The following GBF1 variants were observed in gnomAD, a reference collection of about 807,000 sequenced individuals.
GBF1 encodes Golgi-specific brefeldin A-resistance guanine nucleotide exchange factor 1.
A neutral mutation model predicts 210.5 loss-of-function variants in GBF1; 114 were observed. That is an observed-to-expected ratio of 0.54 (90% CI 0.47 to 0.63). The LOEUF (loss-of-function observed/expected upper bound fraction) is 0.63. GBF1 is among the 30% of genes least tolerant of loss of function. The pLI is 0.00. For synonymous variants in GBF1, 850 were observed against 889.2 expected, an observed-to-expected ratio of 0.96 and a Z score of 0.78; for missense variants, 1,851 against 2,357.7, an observed-to-expected ratio of 0.79 and a Z score of 4.45.
rs760529017 is a variant in GBF1 at position 102,369,787 on chromosome 10, C to A, written c.3215+12C>A. On this transcript the variant is annotated intron_variant, in intron 25 of 39. Coordinates refer to ENST00000369983, the MANE Select transcript of GBF1 (RefSeq NM_001377137.1). ...ACACCATCAAACCGGTAAGAGCAGA[C>A]CAGAGGCTCAGGGGCTTGGGGAGGG... 7 of 1,614,112 alleles carry A rather than the reference C, an allele frequency of 4.3e-6. No homozygotes were observed. The highest frequency in any genetic ancestry group is 5.9e-6 in the Non-Finnish European group (7 of 1,179,960).
At chr10:102,277,060 T>C (rs2075052509) in intron 3 of GBF1, among the ~76,000 whole-genome samples, 1 of 152,190 alleles carries the variant, frequency 6.6e-6, no homozygotes, top group South Asian at 2.1e-4. Flanking sequence ...GGCACAGTGG[T>C]TCACATATAT....
At chr10:102,296,914 G>A (rs1482686609) in intron 3 of GBF1, among the ~76,000 whole-genome samples, 3 of 151,292 alleles carry the variant, frequency 2.0e-5, no homozygotes, top group African/African-American at 4.9e-5. Context: ...ACCTGGTGGC[G>A]CGTGCCTATA....
intron 3 of GBF1, among the ~76,000 whole-genome samples, chr10:102,328,403 G>C (rs1017059650): frequency 2.6e-5 from 4 of 152,146 alleles, no homozygotes; most frequent in Non-Finnish European, 5.9e-5. Context: ...GGAGGCTGAG[G>C]TGGAAGGATT....
chr10:102,382,434 C>T lies in GBF1; in HGVS notation c.*98C>T, dbSNP rs2060913730. The T allele has an allele frequency of 1.8e-6, 2 of 1,084,542 alleles. No individual in the cohort carries two copies. The highest frequency in any genetic ancestry group is 3.2e-5 in the African/African-American group (2 of 63,272). 67.2% of individuals were successfully genotyped at this position (1,084,542 alleles called of 1,614,324 possible). On this transcript the variant is annotated 3_prime_UTR_variant, in exon 40 of 40. Coordinates refer to ENST00000369983, the MANE Select transcript of GBF1 (RefSeq NM_001377137.1). ...GGGCCACAAGCTCTTCAGGCCAAGT[C>T]AGAGCTGCTGTTGCTGCCACTTGGA... is the stretch of plus-strand genomic sequence containing the variant.
chr10:102,323,261 AG>A (rs1222983259), intron 3 of GBF1, among the ~76,000 whole-genome samples: 1 of 145,802 alleles, frequency 6.9e-6, no homozygotes, highest in East Asian at 2.0e-4. Context: ...AAAAAAAAAA[AG>A]AAGAAGAAGA....
chr10:102,259,040 T>TG lies in GBF1; in HGVS notation c.96+9dup. On this transcript the variant is annotated splice_region_variant and intron_variant, in intron 2 of 39. Coordinates refer to ENST00000369983, the MANE Select transcript of GBF1 (RefSeq NM_001377137.1). ...GGAGCACCCATACACCACTGGTAAG[T>TG]GGGAAATGGATAAATAGCCTGGTCA... is the stretch of plus-strand genomic sequence containing the variant. 1 of 1,455,996 alleles carries TG rather than the reference T, an allele frequency of 6.9e-7. No homozygotes were observed. The highest frequency in any genetic ancestry group is 9.7e-7 in the Non-Finnish European group (1 of 1,035,726). 90.2% of individuals were successfully genotyped at this position (1,455,996 alleles called of 1,614,324 possible).
intron 3 of GBF1, among the ~76,000 whole-genome samples, chr10:102,310,473 TCTA>T (rs2078310046): frequency 6.6e-6 from 1 of 152,176 alleles, no homozygotes; most frequent in Admixed American, 6.5e-5. Context: ...TTAGGTCATT[TCTA>T]CTGCTGGCAT....
At chr10:102,342,981 G>T (rs2058303802) in intron 3 of GBF1, among the ~76,000 whole-genome samples, 1 of 152,174 alleles carries the variant, frequency 6.6e-6, no homozygotes, top group African/African-American at 2.4e-5. Flanking sequence ...TCAAATCCCA[G>T]CTCTGCATAT....
intron 3 of GBF1, among the ~76,000 whole-genome samples, chr10:102,311,526 ATG>A (rs2133985121): frequency 6.6e-6 from 1 of 152,308 alleles, no homozygotes; most frequent in East Asian, 1.9e-4. Flanking sequence ...TATTGCTTCT[ATG>A]TGTTTGTCTT....
chr10:102,256,579 G>T lies in GBF1; in HGVS notation c.-10-2350G>T, dbSNP rs561846674. 1.7e-4 allele frequency among the ~76,000 whole-genome samples: 25 copies of T among 151,230 alleles called. No homozygotes were observed. In the South Asian group the frequency reaches 1.9e-3, roughly 11 times the overall value. On this transcript the variant is annotated intron_variant, in intron 1 of 39. Coordinates refer to ENST00000369983, the MANE Select transcript of GBF1 (RefSeq NM_001377137.1). ...TGCCCAGGCTGGATGGAGTACAGTG[G>T]CATGATCTCGGCTCACTTTAACCTC...
Position 102,375,336 on chromosome 10 carries a change from TCCCTGCC to T in GBF1, c.3661-21_3661-15del, listed in dbSNP as rs1565181374. 2 of 1,428,926 alleles carry T rather than the reference TCCCTGCC, an allele frequency of 1.4e-6. No individual in the cohort carries two copies. Among genetic ancestry groups the T allele is most frequent in the Non-Finnish European group, 2.0e-6 (2 of 1,011,394 alleles). The allele number at this position is 1,428,926 out of a possible 1,614,324, so 88.5% of individuals were successfully genotyped here. A position where few individuals can be genotyped will look rare whatever the true frequency, so the allele number is the denominator to read the frequency against. On this transcript the variant is annotated splice_polypyrimidine_tract_variant and intron_variant, in intron 29 of 39. Coordinates refer to ENST00000369983, the MANE Select transcript of GBF1 (RefSeq NM_001377137.1). ...CCCACACAGCTCCCCGCTTCCCCGCTCCCTGCCCTAACCCCACTCCAGGTGCTGCTCT... is the reference window on the plus strand; with the variant it reads ...CCCACACAGCTCCCCGCTTCCCCGCTCTAACCCCACTCCAGGTGCTGCTCT...
intron 3 of GBF1, among the ~76,000 whole-genome samples, chr10:102,310,865 G>A (rs2078356974): frequency 6.6e-6 from 1 of 152,220 alleles, no homozygotes; most frequent in African/African-American, 2.4e-5. Context: ...AACTTGAAAA[G>A]CCATTTTGGT....
chr10:102,314,371 T>C (rs1161145156), intron 3 of GBF1, among the ~76,000 whole-genome samples: 1 of 152,036 alleles, frequency 6.6e-6, no homozygotes, highest in African/African-American at 2.4e-5. Context: ...GGTCTTGAAC[T>C]CCTGGGCTCA....
intron 7 of GBF1, among the ~76,000 whole-genome samples, chr10:102,352,789 G>A (rs2059081665): frequency 6.6e-6 from 1 of 152,180 alleles, no homozygotes; most frequent in African/African-American, 2.4e-5. Context: ...TTCTGTGCAG[G>A]TAGCAGCTGG....
chr10:102,382,069 C>G lies in GBF1; in HGVS notation c.5316C>G (p.Pro1772=). ...CTTTCCCTACAGACTTTGAGAAGCC[C>G]GAGAGCCCCCGAGCCGCCAGCAGCA... is the stretch of plus-strand genomic sequence containing the variant. ...SELGACDFEK[P]ESPRAASSSS... is the part of the protein sequence containing the mutation. Residue 1772 remains proline, a synonymous_variant, in exon 40 of 40, where the codon CCC becomes CCG. Coordinates refer to ENST00000369983, the MANE Select transcript of GBF1 (RefSeq NM_001377137.1). 1 of 1,546,980 alleles carries G rather than the reference C, an allele frequency of 6.5e-7. No individual in the cohort carries two copies. The highest frequency in any genetic ancestry group is 1.2e-5 in the South Asian group (1 of 80,372).
chr10:102,240,964 G>T (rs1350082819), upstream of GBF1, among the ~76,000 whole-genome samples: 3 of 151,972 alleles, frequency 2.0e-5, no homozygotes, highest in Non-Finnish European at 4.4e-5. Context: ...CAGCTCCCCC[G>T]CTGGCCAGGG....
intron 1 of GBF1, among the ~76,000 whole-genome samples, chr10:102,250,402 C>T (rs1266531692): frequency 6.6e-6 from 1 of 152,086 alleles, no homozygotes; most frequent in Non-Finnish European, 1.5e-5. Context: ...TACTATGTTG[C>T]CCAGAGTCCA....
In GBF1 at chr10:102,372,789, AT is replaced by A. The variant is rs1372518255; in HGVS notation, c.3660+1932del. 2.0e-5 allele frequency among the ~76,000 whole-genome samples: 3 copies of A among 152,196 alleles called. No homozygotes were observed. The East Asian group carries it at 5.8e-4, about 29-fold the overall frequency. On this transcript the variant is annotated intron_variant, in intron 29 of 39. Coordinates refer to ENST00000369983, the MANE Select transcript of GBF1 (RefSeq NM_001377137.1). ...GAAAATTAACTCCAATGGATCATAG[AT>A]TTAAATGTAAAGCTATAAAAACTTT...
At chr10:102,231,175 G>T in the GBF1 span, 1 of 1,386,766 alleles carries the variant, frequency 7.2e-7, no homozygotes, top group Non-Finnish European at 9.5e-7. Flanking sequence ...CACCCCGACG[G>T]GGCTTCCAGC....
Sources: gnomAD v4.1 joint callset for allele counts (sites outside exome capture counted in the v4.1 genomes callset) on GRCh38, gnomAD v4.1.1 for gene constraint, MANE v1.5 for transcripts, NCBI Gene and HGNC (gene_info 2026-07-23, HGNC 2026-07-21) for gene names.